The following PDZD8 variants were observed in gnomAD, a reference collection of about 807,000 sequenced individuals.
The protein encoded by PDZD8 is PDZ domain-containing protein 8.
PDZD8 carries 14 observed loss-of-function variants against 85.8 expected under a neutral mutation model. That is an observed-to-expected ratio of 0.16 (90% CI 0.11 to 0.26). The LOEUF (loss-of-function observed/expected upper bound fraction) is 0.26, where lower values mean the gene tolerates loss of function less well. PDZD8 is among the 10% of genes least tolerant of loss of function. The probability of loss-of-function intolerance (pLI) is 1.00; values close to 1 mark genes in which losing one functional copy is unlikely to be tolerated. For missense variants in PDZD8, 1,197 were observed against 1,424.3 expected, an observed-to-expected ratio of 0.84 and a Z score of 2.57; for synonymous variants, 592 against 568.6, an observed-to-expected ratio of 1.04 and a Z score of -0.59.
rs1589991888 is a variant in PDZD8 at position 117,283,398 on chromosome 10, T to G, written c.3335A>C (p.His1112Pro). 3 of 1,614,110 alleles carry G rather than the reference T, an allele frequency of 1.9e-6. No individual in the cohort carries two copies. The highest frequency in any genetic ancestry group is 2.5e-6 in the Non-Finnish European group (3 of 1,179,948). The change falls in exon 5 of 5, where the codon CAC becomes CCC. Residue 1112 changes from histidine to proline, a missense_variant. Transcript: ENST00000334464. ...ETLESLSLDQHSKKISKYTDD... is the reference protein window; with the variant it reads ...ETLESLSLDQPSKKISKYTDD... ...TGTGTACTTGCTTATTTTTTTGGAG[T>G]GCTGGTCTAAAGACAGACTTTCTAA...
chr10:117,312,283 C>A (rs1199168110), intron 3 of PDZD8, among the ~76,000 whole-genome samples: 1 of 152,024 alleles, frequency 6.6e-6, no homozygotes, highest in African/African-American at 2.4e-5. Flanking sequence ...CATGGCTAAA[C>A]TGGAGAATGG....
At chr10:117,295,137 C>T (rs1043344642) in intron 3 of PDZD8, among the ~76,000 whole-genome samples, 2 of 152,100 alleles carry the variant, frequency 1.3e-5, no homozygotes, top group African/African-American at 4.8e-5. Flanking sequence ...CAGAGCTAGA[C>T]CCTGCCTCAA....
intron 3 of PDZD8, among the ~76,000 whole-genome samples, chr10:117,294,947 C>G (rs2532815): frequency 0.77 from 116,906 of 152,040 alleles, 45,596 homozygotes; most frequent in Non-Finnish European, 0.85. Context: ...AATAGGGTAA[C>G]TATAGTTAAT....
At chr10:117,361,110 G>A (rs1310282235) in intron 1 of PDZD8, among the ~76,000 whole-genome samples, 1 of 152,104 alleles carries the variant, frequency 6.6e-6, no homozygotes, top group Admixed American at 6.5e-5. Context: ...ACAAGGGTGA[G>A]AAAGGCAGAT....
At chr10:117,356,481 T>C (rs905619983) in intron 1 of PDZD8, among the ~76,000 whole-genome samples, 13 of 152,126 alleles carry the variant, frequency 8.5e-5, no homozygotes, top group Admixed American at 8.5e-4. Flanking sequence ...TGATGAGAAA[T>C]AGTCTAATTA....
chr10:117,320,204 T>C (rs183685069), intron 2 of PDZD8, among the ~76,000 whole-genome samples: 1 of 152,088 alleles, frequency 6.6e-6, no homozygotes, highest in Admixed American at 6.6e-5. Context: ...TTCTTAAACA[T>C]AAAACACTAA....
intron 2 of PDZD8, among the ~76,000 whole-genome samples, chr10:117,329,352 A>C (rs1306891386): frequency 6.6e-6 from 1 of 152,236 alleles, no homozygotes; most frequent in Non-Finnish European, 1.5e-5. Flanking sequence ...TACCAAGTTC[A>C]AAGTATTCTT....
chr10:117,319,526 C>T (rs1409831359), intron 2 of PDZD8, among the ~76,000 whole-genome samples: 2 of 151,898 alleles, frequency 1.3e-5, no homozygotes, highest in Non-Finnish European at 2.9e-5. Flanking sequence ...AAAAATAGTA[C>T]TTACCTCTGA....
At chr10:117,304,551 G>T (rs1843900312) in intron 3 of PDZD8, among the ~76,000 whole-genome samples, 1 of 152,058 alleles carries the variant, frequency 6.6e-6, no homozygotes, top group African/African-American at 2.4e-5. Flanking sequence ...GAGGGGCCAG[G>T]GGGGAATGAT....
chr10:117,286,674 C>A (rs916538477), intron 4 of PDZD8, among the ~76,000 whole-genome samples: 7 of 152,224 alleles, frequency 4.6e-5, no homozygotes, highest in Non-Finnish European at 7.3e-5. Context: ...AACTTCCCGG[C>A]CCAATCATTC....
In PDZD8 at chr10:117,374,457, G is replaced by A. The variant is rs3814230; in HGVS notation, c.771C>T (p.Ser257=). ...EDPLIDFEVR[S]QFEGRPMPQL... ...GGGGCATGGGCCGCCCTTCAAACTG[G>A]GAGCGCACCTCGAAGTCGATCAGCG... Residue 257 remains serine, a synonymous_variant, in exon 1 of 5, where the codon TCC becomes TCT. Coordinates refer to ENST00000334464, the MANE Select transcript of PDZD8 (RefSeq NM_173791.5). The surrounding 1 kb of genome is among the most constrained non-coding windows in gnomAD (Gnocchi z 7.8). The A allele has an allele frequency of 1.9e-6, 3 of 1,613,844 alleles. No homozygotes were observed. Among genetic ancestry groups the A allele is most frequent in the Non-Finnish European group, 2.5e-6 (3 of 1,179,926 alleles).
intron 3 of PDZD8, among the ~76,000 whole-genome samples, chr10:117,295,043 A>C (rs1405219025): frequency 3.3e-5 from 5 of 152,222 alleles, no homozygotes; most frequent in African/African-American, 1.2e-4. Context: ...TGGCTATGCT[A>C]GTTATCCTGA....
chr10:117,375,393 A>G lies in PDZD8; in HGVS notation c.-166T>C. 2.8e-6 allele frequency: 1 copy of G among 359,060 alleles called. No individual in the cohort carries two copies. The highest frequency in any genetic ancestry group is 4.6e-5 in the East Asian group (1 of 21,738). 22.2% of individuals were successfully genotyped at this position (359,060 alleles called of 1,614,324 possible). ...TCGGGCCGGCGCGCTGCGGCGCCCG[A>G]GCCCGCAGCGGCCCGCGCCTCCTCA... On this transcript the variant is annotated 5_prime_UTR_variant, in exon 1 of 5. Coordinates refer to ENST00000334464, the MANE Select transcript of PDZD8 (RefSeq NM_173791.5).
intron 1 of PDZD8, among the ~76,000 whole-genome samples, chr10:117,364,966 C>A (rs1436314879): frequency 6.6e-6 from 1 of 151,834 alleles, no homozygotes; most frequent in Non-Finnish European, 1.5e-5. Flanking sequence ...GAGAGAGAGG[C>A]ACCTCCTCAA....
chr10:117,292,752 G>T, intron 3 of PDZD8, among the ~76,000 whole-genome samples: 1 of 147,454 alleles, frequency 6.8e-6, no homozygotes. Flanking sequence ...AATGATACCT[G>T]AAGTAAACAT....
intron 3 of PDZD8, among the ~76,000 whole-genome samples, chr10:117,302,294 T>A (rs1362591217): frequency 6.6e-6 from 1 of 152,226 alleles, no homozygotes; most frequent in Non-Finnish European, 1.5e-5. Context: ...ACAAAGGAGA[T>A]ACCACATTTA....
chr10:117,308,200 T>C (rs990558802), intron 3 of PDZD8, among the ~76,000 whole-genome samples: 1 of 152,094 alleles, frequency 6.6e-6, no homozygotes, highest in Non-Finnish European at 1.5e-5. Context: ...CCATCCTCCT[T>C]ATAACAGCTC....
At chr10:117,347,941 GGGTA>G (rs1844737772) in intron 1 of PDZD8, among the ~76,000 whole-genome samples, 5 of 152,188 alleles carry the variant, frequency 3.3e-5, no homozygotes, top group Admixed American at 3.3e-4. Context: ...TTAGGCCTGG[GGGTA>G]GGTAAGGGAT....
chr10:117,373,604 CAAAAAAAAAA>C (rs796930758), intron 1 of PDZD8, among the ~76,000 whole-genome samples: 23 of 52,430 alleles, frequency 4.4e-4, no homozygotes, highest in South Asian at 1.9e-3. Flanking sequence ...CTAAAAAATA[CAAAAAAAAAA>C]AAAAAAAAAA....
Sources: allele counts gnomAD v4.1 joint callset (sites outside exome capture counted in the v4.1 genomes callset), GRCh38; gene constraint gnomAD v4.1.1; non-coding constraint Gnocchi (gnomAD v3.1); transcripts MANE v1.5; gene names NCBI Gene and HGNC (gene_info 2026-07-23, HGNC 2026-07-21).